Variants in PTPRD observed in about 807,000 individuals in gnomAD.
The protein encoded by PTPRD is protein tyrosine phosphatase receptor type D, also known as receptor-type tyrosine-protein phosphatase delta.
A neutral mutation model predicts 214.5 loss-of-function variants in PTPRD; 34 were observed. The ratio of observed to expected loss-of-function variants is 0.16; its 90% CI spans 0.12 to 0.21. The LOEUF (loss-of-function observed/expected upper bound fraction) is 0.21, where lower values mean the gene tolerates loss of function less well. Ranked by LOEUF, PTPRD falls within the 10% of genes least tolerant of loss-of-function variation. The probability of loss-of-function intolerance (pLI) is 1.00; values close to 1 mark genes in which losing one functional copy is unlikely to be tolerated. For missense variants in PTPRD, 2,545 were observed against 2,398.7 expected, an observed-to-expected ratio of 1.06 and a Z score of -1.27; for synonymous variants, 1,128 against 845.7, an observed-to-expected ratio of 1.33 and a Z score of -5.79.
chr9:8,779,823 T>G (rs1471447832), intron 11 of PTPRD, among the ~76,000 whole-genome samples: 1 of 151,642 alleles, frequency 6.6e-6, no homozygotes, highest in Non-Finnish European at 1.5e-5. Flanking sequence ...GGTTTTTTTT[T>G]TTTTTTTTTT....
intron 11 of PTPRD, among the ~76,000 whole-genome samples, chr9:8,959,837 G>A (rs1425630981): frequency 6.6e-6 from 1 of 152,094 alleles, no homozygotes; most frequent in East Asian, 1.9e-4. Flanking sequence ...CATGTAGACG[G>A]AGTTGCTAAA....
At chr9:10,363,294 T>A (rs2097431962) in intron 2 of PTPRD, among the ~76,000 whole-genome samples, 1 of 152,210 alleles carries the variant, frequency 6.6e-6, no homozygotes, top group Admixed American at 6.5e-5. Context: ...AGTATCAAAG[T>A]CTTAAAAGTA....
At chr9:10,535,770 T>A (rs1420555793) in intron 2 of PTPRD, among the ~76,000 whole-genome samples, 1 of 152,102 alleles carries the variant, frequency 6.6e-6, no homozygotes, top group African/African-American at 2.4e-5. Context: ...GCACAGCAAG[T>A]TGAAAATTGA....
At position 9,072,105 on chromosome 9, in the gene PTPRD, G is replaced by A. The variant is rs140647990; in HGVS notation, c.-142-53370C>T. 1.2e-4 allele frequency among the ~76,000 whole-genome samples: 18 copies of A among 151,896 alleles called. No homozygotes were observed. In the East Asian group the frequency reaches 2.7e-3, roughly 23 times the overall value. On this transcript the variant is annotated intron_variant, in intron 10 of 45. Coordinates refer to ENST00000381196, the MANE Select transcript of PTPRD (RefSeq NM_002839.4). ...GCAGGATAATTTTAAAAAATGTTTT[G>A]GCCACAGACATAGTGTTACCAAACT...
intron 11 of PTPRD, among the ~76,000 whole-genome samples, chr9:9,013,888 C>A (rs2099522216): frequency 1.3e-5 from 2 of 152,132 alleles, no homozygotes; most frequent in South Asian, 4.1e-4. Context: ...TATCAACGTG[C>A]AAGGTGAGGT....
intron 39 of PTPRD, among the ~76,000 whole-genome samples, chr9:8,372,326 A>C (rs2081801700): frequency 6.6e-6 from 1 of 152,052 alleles, no homozygotes; most frequent in African/African-American, 2.4e-5. Flanking sequence ...GGTACTCAGT[A>C]ATGAATAATT....
At chr9:8,993,505 T>G (rs1387066762) in intron 11 of PTPRD, among the ~76,000 whole-genome samples, 1 of 152,138 alleles carries the variant, frequency 6.6e-6, no homozygotes, top group African/African-American at 2.4e-5. Flanking sequence ...TGTCTGTCTA[T>G]AATGTATGTA....
intron 4 of PTPRD, among the ~76,000 whole-genome samples, chr9:9,938,845 G>A (rs914026898): frequency 1.3e-5 from 2 of 151,936 alleles, no homozygotes; most frequent in Non-Finnish European, 2.9e-5. Context: ...CCTTATAAAA[G>A]GTTATTTATT....
intron 3 of PTPRD, among the ~76,000 whole-genome samples, chr9:10,175,069 T>C (rs934728086): frequency 3.9e-5 from 6 of 152,108 alleles, no homozygotes; most frequent in African/African-American, 9.7e-5. Flanking sequence ...GATTCTTCTT[T>C]ATTTGACAAT....
intron 11 of PTPRD, among the ~76,000 whole-genome samples, chr9:8,897,187 C>A (rs60250264): frequency 0.045 from 6,902 of 152,172 alleles, 493 homozygotes; most frequent in African/African-American, 0.15. Flanking sequence ...TTATTAAATG[C>A]CTGTGGGTTC....
intron 25 of PTPRD, among the ~76,000 whole-genome samples, chr9:8,497,658 A>T (rs1005917920): frequency 2.0e-5 from 3 of 152,216 alleles, no homozygotes; most frequent in African/African-American, 7.2e-5. Flanking sequence ...TATAACTTCA[A>T]TGAAGTCCTG....
intron 33 of PTPRD, among the ~76,000 whole-genome samples, chr9:8,453,568 T>C (rs2096056532): frequency 6.6e-6 from 1 of 152,242 alleles, no homozygotes; most frequent in African/African-American, 2.4e-5. Context: ...AAATGGATAC[T>C]AGAGATGTCC....
At chr9:8,506,233 T>G (rs1241235519) in intron 22 of PTPRD, among the ~76,000 whole-genome samples, 3 of 152,198 alleles carry the variant, frequency 2.0e-5, no homozygotes, top group Non-Finnish European at 4.4e-5. Context: ...CAGGGACTGT[T>G]TCACTTTGTG....
At chr9:9,423,256 T>C (rs925729882) in intron 8 of PTPRD, among the ~76,000 whole-genome samples, 2 of 152,106 alleles carry the variant, frequency 1.3e-5, no homozygotes, top group African/African-American at 4.8e-5. Flanking sequence ...GATGGGGCTT[T>C]GGAAGTTAAT....
Position 9,973,815 on chromosome 9 carries a change from T to C in PTPRD, c.-471-35205A>G, listed in dbSNP as rs189091241. 3.8e-4 allele frequency among the ~76,000 whole-genome samples: 58 copies of C among 152,304 alleles called. No homozygotes were observed. In the East Asian group the frequency reaches 0.01, roughly 26 times the overall value. ...TATATTTTTATTTGTATTTTATTTG[T>C]ATTTTTAATCATCTTATTTTTAGAA... On this transcript the variant is annotated intron_variant, in intron 4 of 45. Transcript: ENST00000381196.
chr9:9,792,157 G>C (rs1055234160), intron 5 of PTPRD, among the ~76,000 whole-genome samples: 1 of 151,542 alleles, frequency 6.6e-6, no homozygotes. Context: ...TTTTTTCACA[G>C]CTTTTCAGTG....
intron 3 of PTPRD, among the ~76,000 whole-genome samples, chr9:10,297,242 T>A (rs890642223): frequency 6.6e-6 from 1 of 151,578 alleles, no homozygotes; most frequent in African/African-American, 2.4e-5. Context: ...AAAACTGAAT[T>A]TTATTTTTAA....
intron 3 of PTPRD, among the ~76,000 whole-genome samples, chr9:10,259,337 T>C (rs1405355227): frequency 6.6e-6 from 1 of 152,190 alleles, no homozygotes; most frequent in Non-Finnish European, 1.5e-5. Flanking sequence ...ATCTGTTTCT[T>C]ATGTGTAGTG....
chr9:10,334,664 G>A (rs10122293), intron 3 of PTPRD, among the ~76,000 whole-genome samples: 62,973 of 150,948 alleles, frequency 0.42, 15,619 homozygotes, highest in African/African-American at 0.68. Context: ...AGAAAATCCA[G>A]AACAACAACA....
Sources: allele counts gnomAD v4.1 joint callset (sites outside exome capture counted in the v4.1 genomes callset), GRCh38; gene constraint gnomAD v4.1.1; transcripts MANE v1.5; gene names NCBI Gene and HGNC (gene_info 2026-07-23, HGNC 2026-07-21).